Variants in CDC42BPB observed in about 807,000 individuals in gnomAD.
The protein encoded by CDC42BPB is serine/threonine-protein kinase MRCK beta.
CDC42BPB carries 37 observed loss-of-function variants against 214.9 expected under a neutral mutation model. That is an observed-to-expected ratio of 0.17 (90% confidence interval 0.13 to 0.23). The LOEUF (loss-of-function observed/expected upper bound fraction) is 0.23, where lower values mean the gene tolerates loss of function less well. Ranked by LOEUF, CDC42BPB falls within the 10% of genes least tolerant of loss-of-function variation. CDC42BPB has a pLI of 1.00. For missense variants in CDC42BPB, 1,694 were observed against 2,227.0 expected, an observed-to-expected ratio of 0.76 and a Z score of 4.82; for synonymous variants, 931 against 884.0, an observed-to-expected ratio of 1.05 and a Z score of -0.94.
chr14:102,971,155 T>C (rs1309203417), intron 13 of CDC42BPB, among the ~76,000 whole-genome samples: 37 of 152,250 alleles, frequency 2.4e-4, no homozygotes, highest in East Asian at 1.9e-4. Context: ...GCAAAACGGA[T>C]TGAAGAAACA....
Position 102,968,148 on chromosome 14 carries a change from C to G in CDC42BPB, c.2346+105G>C, listed in dbSNP as rs188131140. 257 of 741,022 alleles carry G rather than the reference C, an allele frequency of 3.5e-4. No individual in the cohort carries two copies. The East Asian group carries it at 5.2e-3, about 15-fold the overall frequency. The allele number at this position is 741,022 out of a possible 1,614,324, so 45.9% of individuals were successfully genotyped here. A position where few individuals can be genotyped will look rare whatever the true frequency, so the allele number is the denominator to read the frequency against. ...CAAGAATGACGACATTCTACTCCCC[C>G]ATAAATATATATACCTACTATGTAC... On this transcript the variant is annotated intron_variant, in intron 16 of 36. Transcript: ENST00000361246.
rs559945875 is a variant in CDC42BPB, at chr14:102,932,509, C to T, written c.*1203G>A. On this transcript the variant is annotated 3_prime_UTR_variant, in exon 37 of 37. Transcript: ENST00000361246. ...TAAAAACCAGAACCCCCCAGGTGCC[C>T]ATCCAGCAGAAGGCCCAGGAGGGCA... 2.0e-5 allele frequency: 3 copies of T among 152,590 alleles called. No homozygotes were observed. The highest frequency in any genetic ancestry group is 1.9e-4 in the East Asian group (1 of 5,172). 9.5% of individuals were successfully genotyped at this position (152,590 alleles called of 1,614,324 possible).
At chr14:102,940,711 T>C (rs923139114) in intron 30 of CDC42BPB, 3 of 266,436 alleles carry the variant, frequency 1.1e-5, no homozygotes, top group Non-Finnish European at 2.2e-5. Context: ...ATGGTGAGGC[T>C]AATTCTTCCG....
intron 18 of CDC42BPB, among the ~76,000 whole-genome samples, chr14:102,965,595 T>G (rs1286019581): frequency 6.6e-6 from 1 of 152,146 alleles, no homozygotes; most frequent in African/African-American, 2.4e-5. Context: ...TAAAACAAAC[T>G]GAAAACCTTT....
At chr14:103,031,090 TA>T (rs572133133) in intron 1 of CDC42BPB, among the ~76,000 whole-genome samples, 1 of 151,654 alleles carries the variant, frequency 6.6e-6, no homozygotes, top group African/African-American at 2.4e-5. Flanking sequence ...TTTTTTTAAT[TA>T]AAAAAAATAT....
At chr14:103,015,518 C>T (rs1043483998) in intron 1 of CDC42BPB, among the ~76,000 whole-genome samples, 81 of 152,068 alleles carry the variant, frequency 5.3e-4, no homozygotes, top group African/African-American at 1.9e-3. Flanking sequence ...TAATTAAGAC[C>T]GCATTAGCTA....
chr14:102,934,816 C>CTGG (rs1891569102), intron 36 of CDC42BPB, among the ~76,000 whole-genome samples: 2 of 151,730 alleles, frequency 1.3e-5, no homozygotes, highest in African/African-American at 4.8e-5. Context: ...TTGAGACCAT[C>CTGG]CTAACACAGT....
At chr14:102,975,157 T>C (rs903067433) in intron 11 of CDC42BPB, among the ~76,000 whole-genome samples, 8 of 152,122 alleles carry the variant, frequency 5.3e-5, no homozygotes, top group Admixed American at 3.9e-4. Context: ...AAGCAGAAAA[T>C]AGCCAGAGAA....
chr14:102,938,409 A>T lies in CDC42BPB; in HGVS notation c.4830T>A (p.Ser1610Arg). ...TTTCCTCCTGGGAGGGGGGCACAGC[A>T]CTCTGGGCAGAAATAGCAACACGTG... is the stretch of plus-strand genomic sequence containing the variant. ...GMQVLMDLPL[S>R]AVPPSQEERP... The change falls in exon 35 of 37, where the codon AGT becomes AGA. Residue 1610 changes from serine to arginine, a missense_variant and splice_region_variant. Ser to Arg is a moderately radical substitution (Grantham distance 110, BLOSUM62 -1). Transcript: ENST00000361246. The T allele has an allele frequency of 1.3e-6, 2 of 1,534,216 alleles. No homozygotes were observed. Among genetic ancestry groups the T allele is most frequent in the Non-Finnish European group, 1.7e-6 (2 of 1,147,022 alleles).
intron 5 of CDC42BPB, among the ~76,000 whole-genome samples, chr14:102,995,229 C>A (rs28689806): frequency 4.0e-5 from 6 of 151,490 alleles, no homozygotes. Context: ...GGCTGGAGTG[C>A]AATGGCGCGA....
chr14:102,966,644 T>G, intron 17 of CDC42BPB: 1 of 325,434 alleles, frequency 3.1e-6, no homozygotes, highest in Non-Finnish European at 4.4e-6. Flanking sequence ...TAAATATATA[T>G]ACCTACTACG....
rs1022907359 is a variant in CDC42BPB at position 103,001,002 on chromosome 14, G to A, written c.448-1289C>T. On this transcript the variant is annotated intron_variant, in intron 4 of 36. Coordinates refer to ENST00000361246, the MANE Select transcript of CDC42BPB (RefSeq NM_006035.4). This position sits in a 1 kb window ranked among gnomAD's most constrained non-coding sequence, Gnocchi z 5.8. ...AAGCACCACACCGGTGGGCTTGTCT[G>A]AGGAAGGGAGCGGCCCAGCTAATCA... Among the ~76,000 whole-genome samples the A allele has an allele frequency of 2.6e-5, 4 of 152,234 alleles. No homozygotes were observed. The highest frequency in any genetic ancestry group is 2.1e-4 in the South Asian group (1 of 4,832).
At chr14:102,947,471 T>C (rs1892234685) in intron 27 of CDC42BPB, among the ~76,000 whole-genome samples, 1 of 151,974 alleles carries the variant, frequency 6.6e-6, no homozygotes, top group African/African-American at 2.4e-5. Flanking sequence ...AAGAGGAGTT[T>C]CAGATGTAGG....
At chr14:103,011,045 C>T (rs774919791) in intron 2 of CDC42BPB, among the ~76,000 whole-genome samples, 1 of 152,308 alleles carries the variant, frequency 6.6e-6, no homozygotes, top group South Asian at 2.1e-4. Context: ...ACAAAAAAAG[C>T]AGCAGCAAAG....
At chr14:102,974,285 C>T in intron 11 of CDC42BPB, 136 bp from the exon 12 acceptor site, 1 of 812,486 alleles carries the variant, frequency 1.2e-6, no homozygotes, top group Admixed American at 3.6e-5. Context: ...TTTACTTACA[C>T]ACACACACAC....
intron 1 of CDC42BPB, among the ~76,000 whole-genome samples, chr14:103,023,969 G>C (rs761585302): frequency 6.6e-6 from 1 of 152,100 alleles, no homozygotes; most frequent in Non-Finnish European, 1.5e-5. Flanking sequence ...TGATGGGGGC[G>C]GTGCCCACCC....
At chr14:103,052,141 A>G (rs1003003185) in intron 1 of CDC42BPB, among the ~76,000 whole-genome samples, 2 of 152,134 alleles carry the variant, frequency 1.3e-5, no homozygotes, top group African/African-American at 4.8e-5. Flanking sequence ...CTGAAGTTTT[A>G]AGACAGAAAA....
intron 6 of CDC42BPB, 129 bp from the exon 7 acceptor site, chr14:102,983,885 T>A (rs1177384913): frequency 6.9e-7 from 1 of 1,455,416 alleles, no homozygotes; most frequent in Non-Finnish European, 9.0e-7. Context: ...TGAATGATCG[T>A]GTTTTTTAAA....
chr14:103,047,084 G>C (rs907496168), intron 1 of CDC42BPB, among the ~76,000 whole-genome samples: 2 of 151,774 alleles, frequency 1.3e-5, no homozygotes. Context: ...AGGAGTTCGA[G>C]AACAGCTTGG....
Sources: gnomAD v4.1 joint callset for allele counts (sites outside exome capture counted in the v4.1 genomes callset) on GRCh38, gnomAD v4.1.1 for gene constraint, Gnocchi (gnomAD v3.1) non-coding constraint, MANE v1.5 for transcripts, NCBI Gene and HGNC (gene_info 2026-07-23, HGNC 2026-07-21) for gene names.